CEP128: variants seen among roughly 807,000 people sequenced by gnomAD.
CEP128 encodes centrosomal protein 128.
Under a neutral mutation model 156.7 loss-of-function variants are expected in CEP128, and 132 were observed. The observed-to-expected ratio is 0.84, with a 90% CI of 0.73 to 0.97. The LOEUF (loss-of-function observed/expected upper bound fraction) is 0.97, where lower values mean the gene tolerates loss of function less well. Ranked by LOEUF, CEP128 falls within the 50% of genes least tolerant of loss-of-function variation. The pLI is 0.00. For synonymous variants in CEP128, 469 were observed against 448.9 expected, an observed-to-expected ratio of 1.04 and a Z score of -0.57; for missense variants, 1,252 against 1,281.9, an observed-to-expected ratio of 0.98 and a Z score of 0.36.
intron 20 of CEP128, among the ~76,000 whole-genome samples, chr14:80,562,319 G>C (rs1270103439): frequency 7.0e-6 from 1 of 143,580 alleles, no homozygotes; most frequent in African/African-American, 2.6e-5. Context: ...GGAAATTAGA[G>C]AAACAGAAAA....
chr14:80,948,284 A>G (rs1886389324), intron 2 of CEP128, among the ~76,000 whole-genome samples: 1 of 152,204 alleles, frequency 6.6e-6, no homozygotes, highest in South Asian at 2.1e-4. Context: ...CAGGGATAAT[A>G]TTGCCTACTA....
chr14:80,793,123 C>T lies in CEP128; in HGVS notation c.1210-13G>A. On this transcript the variant is annotated splice_polypyrimidine_tract_variant and intron_variant, in intron 13 of 24. Transcript: ENST00000555265. ...CACGTGTTAAATTCTACGAATAAAG[C>T]ATGCAAAACATTAGGAACAAATCCT... The T allele has an allele frequency of 6.3e-7, 1 of 1,591,624 alleles. No individual in the cohort carries two copies.
chr14:80,844,999 C>T (rs980182208), intron 9 of CEP128, among the ~76,000 whole-genome samples: 4 of 152,038 alleles, frequency 2.6e-5, no homozygotes, highest in Admixed American at 6.6e-5. Context: ...TGCTCTGTTT[C>T]GTGGACACAA....
intron 19 of CEP128, among the ~76,000 whole-genome samples, chr14:80,599,973 C>T (rs1892513012): frequency 6.6e-6 from 1 of 152,050 alleles, no homozygotes; most frequent in Non-Finnish European, 1.5e-5. Flanking sequence ...TTTCACATAC[C>T]ATGAAATATA....
At chr14:80,883,269 G>C (rs959155986) in intron 8 of CEP128, among the ~76,000 whole-genome samples, 2 of 151,284 alleles carry the variant, frequency 1.3e-5, no homozygotes, top group East Asian at 1.9e-4. Flanking sequence ...ACAAAATAAA[G>C]GGCATCCAAA....
chr14:80,531,623 T>C (rs1889228983), intron 21 of CEP128, among the ~76,000 whole-genome samples: 1 of 152,236 alleles, frequency 6.6e-6, no homozygotes, highest in Non-Finnish European at 1.5e-5. Context: ...CTCAGCTCTG[T>C]CACAATGCCA....
chr14:80,843,110 T>A lies in CEP128; in HGVS notation c.763-2342A>T, dbSNP rs181502711. ...GGGAAAAGAAAAATGTTTGTAGACC[T>A]CTCACTTAACCATAAAAATCTCTAC... On this transcript the variant is annotated intron_variant, in intron 9 of 24. Transcript: ENST00000555265. 2.9e-3 allele frequency among the ~76,000 whole-genome samples: 447 copies of A among 152,090 alleles called. 1 individual carries two copies. The highest frequency in any genetic ancestry group is 5.1e-3 in the Non-Finnish European group (345 of 67,896).
chr14:80,551,788 A>G (rs1249304927), intron 21 of CEP128, among the ~76,000 whole-genome samples: 2 of 152,208 alleles, frequency 1.3e-5, no homozygotes, highest in Non-Finnish European at 2.9e-5. Flanking sequence ...TCAACAGTAT[A>G]CATCTAATTC....
intron 23 of CEP128, among the ~76,000 whole-genome samples, chr14:80,522,739 T>C (rs1051574063): frequency 1.3e-5 from 2 of 152,222 alleles, no homozygotes; most frequent in African/African-American, 4.8e-5. Context: ...TCTGTTCTAT[T>C]TGAAACAGCT....
chr14:80,512,296 C>T (rs1888297391), intron 23 of CEP128, among the ~76,000 whole-genome samples: 1 of 151,954 alleles, frequency 6.6e-6, no homozygotes, highest in African/African-American at 2.4e-5. Flanking sequence ...TATCCTCTTC[C>T]TGAATGCACC....
intron 24 of CEP128, among the ~76,000 whole-genome samples, chr14:80,498,705 C>T (rs955319781): frequency 2.6e-5 from 4 of 152,180 alleles, no homozygotes; most frequent in African/African-American, 9.7e-5. Context: ...TATCATTTCA[C>T]CTTTATAGCA....
chr14:80,934,327 T>C (rs545116842), intron 2 of CEP128, among the ~76,000 whole-genome samples: 2 of 152,334 alleles, frequency 1.3e-5, no homozygotes, highest in South Asian at 2.1e-4. Flanking sequence ...AAAAGTTTAT[T>C]GAGCAGACCT....
intron 18 of CEP128, among the ~76,000 whole-genome samples, chr14:80,744,051 T>C (rs1041997273): frequency 6.6e-6 from 1 of 151,946 alleles, no homozygotes; most frequent in African/African-American, 2.4e-5. Context: ...TTTTTTGTAT[T>C]TTTTGTAGAG....
chr14:80,885,314 C>T lies in CEP128; in HGVS notation c.645+10404G>A, dbSNP rs967830088. On this transcript the variant is annotated intron_variant, in intron 8 of 24. Transcript: ENST00000555265. ...TGCCTCCTCAAGTGGATGCCTGACC[C>T]CCGTGCCCTCTGACTGGGAGTCACC... Among the ~76,000 whole-genome samples, 9 of 152,182 alleles carry T rather than the reference C, an allele frequency of 5.9e-5. No homozygotes were observed. In the East Asian group the frequency reaches 1.5e-3, roughly 26 times the overall value.
chr14:80,842,431 C>T (rs2140089064), intron 9 of CEP128, among the ~76,000 whole-genome samples: 1 of 151,774 alleles, frequency 6.6e-6, no homozygotes, highest in East Asian at 1.9e-4. Flanking sequence ...GAATATTGAA[C>T]CAGTTTTTCT....
intron 19 of CEP128, among the ~76,000 whole-genome samples, chr14:80,605,925 C>A (rs968767332): frequency 1.3e-5 from 2 of 151,696 alleles, no homozygotes; most frequent in Non-Finnish European, 2.9e-5. Flanking sequence ...TAAAAGTAAA[C>A]CAAAACAGTT....
At chr14:80,647,058 T>TGTGTGA (rs751298715) in intron 19 of CEP128, among the ~76,000 whole-genome samples, 3 of 42,876 alleles carry the variant, frequency 7.0e-5, no homozygotes, top group Non-Finnish European at 8.1e-5. Flanking sequence ...TATATATATA[T>TGTGTGA]ATATATATAT....
rs114385347 is a variant in CEP128 at position 80,749,505 on chromosome 14, G to C, written c.2614-6238C>G. Among the ~76,000 whole-genome samples the C allele has an allele frequency of 6.1e-3, 927 of 152,264 alleles. 10 individuals are homozygous for C. Among genetic ancestry groups the C allele is most frequent in the African/African-American group, 0.021 (861 of 41,556 alleles). ...ATTTATGGAACTTGAGACATTATGTGAAGTGAAATGAGCCAGAAAAAGGAA... is the reference window on the plus strand; with the variant it reads ...ATTTATGGAACTTGAGACATTATGTCAAGTGAAATGAGCCAGAAAAAGGAA... On this transcript the variant is annotated intron_variant, in intron 18 of 24. Coordinates refer to ENST00000555265, the MANE Select transcript of CEP128 (RefSeq NM_152446.5).
downstream of CEP128, among the ~76,000 whole-genome samples, chr14:80,495,774 TTAAC>T (rs1175783012): frequency 1.3e-5 from 2 of 152,180 alleles, no homozygotes; most frequent in African/African-American, 2.4e-5. Context: ...AAAAAGTTAT[TTAAC>T]TAACATTTAT....
Sources: allele counts gnomAD v4.1 joint callset (sites outside exome capture counted in the v4.1 genomes callset), GRCh38; gene constraint gnomAD v4.1.1; transcripts MANE v1.5; gene names NCBI Gene and HGNC (gene_info 2026-07-23, HGNC 2026-07-21).